The following CDC14A variants were observed in gnomAD, a reference collection of about 807,000 sequenced individuals.
The protein encoded by CDC14A is cell division cycle 14A, also known as dual specificity protein phosphatase CDC14A.
Under a neutral mutation model 74.4 loss-of-function variants are expected in CDC14A, and 53 were observed. The observed-to-expected ratio is 0.71, with a 90% CI of 0.57 to 0.89. CDC14A has a LOEUF of 0.89. Ranked by LOEUF, CDC14A falls within the 40% of genes least tolerant of loss-of-function variation. The pLI is 0.00. For synonymous variants in CDC14A, 247 were observed against 258.4 expected, an observed-to-expected ratio of 0.96 and a Z score of 0.43; for missense variants, 646 against 713.7, an observed-to-expected ratio of 0.91 and a Z score of 1.08.
At chr1:100,439,349 A>G (rs1246739045) in intron 5 of CDC14A, among the ~76,000 whole-genome samples, 1 of 152,150 alleles carries the variant, frequency 6.6e-6, no homozygotes, top group African/African-American at 2.4e-5. Flanking sequence ...TGGCCTACAT[A>G]CATTGTCTCT....
intron 4 of CDC14A, among the ~76,000 whole-genome samples, chr1:100,412,706 ATATATATATATATATATTT>A (rs1286421384): frequency 7.9e-5 from 8 of 101,256 alleles, no homozygotes; most frequent in African/African-American, 3.9e-4. Flanking sequence ...TTATATATAT[ATATATATATATATATATTT>A]TATATATATA....
At chr1:100,450,952 C>T (rs1571223021) in intron 7 of CDC14A, among the ~76,000 whole-genome samples, 1 of 152,262 alleles carries the variant, frequency 6.6e-6, no homozygotes, top group Admixed American at 6.5e-5. Context: ...ATTCTATGGT[C>T]GCTCTCTAAT....
At chr1:100,409,007 C>G (rs895040575) in intron 4 of CDC14A, among the ~76,000 whole-genome samples, 6 of 152,010 alleles carry the variant, frequency 3.9e-5, no homozygotes, top group African/African-American at 1.5e-4. Context: ...TGTATTAGTC[C>G]TTTTTCACAC....
chr1:100,513,499 T>G (rs1649955777), intron 15 of CDC14A, among the ~76,000 whole-genome samples: 1 of 152,164 alleles, frequency 6.6e-6, no homozygotes, highest in Non-Finnish European at 1.5e-5. Context: ...TTGACCTTAG[T>G]AGGATGCTAA....
At chr1:100,430,598 A>T (rs1236384784) in intron 5 of CDC14A, among the ~76,000 whole-genome samples, 1 of 152,246 alleles carries the variant, frequency 6.6e-6, no homozygotes, top group Non-Finnish European at 1.5e-5. Context: ...TTGGTCAACC[A>T]CTTAGGACTT....
intron 10 of CDC14A, among the ~76,000 whole-genome samples, chr1:100,483,078 A>G (rs1669657251): frequency 6.6e-6 from 1 of 152,150 alleles, no homozygotes; most frequent in South Asian, 2.1e-4. Flanking sequence ...TTATGGTAGA[A>G]TGATTTATAT....
intron 2 of CDC14A, among the ~76,000 whole-genome samples, chr1:100,358,662 G>T (rs1272721360): frequency 6.6e-6 from 1 of 152,170 alleles, no homozygotes; most frequent in Non-Finnish European, 1.5e-5. Context: ...TTAGCTAAAT[G>T]GAAGATTTAA....
intron 2 of CDC14A, among the ~76,000 whole-genome samples, chr1:100,355,624 G>A (rs903688875): frequency 1.3e-5 from 2 of 152,174 alleles, no homozygotes; most frequent in Non-Finnish European, 2.9e-5. Flanking sequence ...TTTGAAATAC[G>A]ATGAGGACTT....
intron 15 of CDC14A, among the ~76,000 whole-genome samples, chr1:100,512,539 G>T (rs916170883): frequency 1.3e-5 from 2 of 152,114 alleles, no homozygotes; most frequent in South Asian, 4.2e-4. Flanking sequence ...TATAATTTTG[G>T]TGTTCAGATG....
upstream of CDC14A, among the ~76,000 whole-genome samples, chr1:100,350,206 C>T (rs1373550303): frequency 6.6e-6 from 1 of 152,004 alleles, no homozygotes; most frequent in East Asian, 1.9e-4. Flanking sequence ...CCACCTGCCT[C>T]GGCCTCCCCA....
chr1:100,412,735 ATATTT>A (rs1313197099), intron 4 of CDC14A, among the ~76,000 whole-genome samples: 4 of 110,202 alleles, frequency 3.6e-5, no homozygotes, highest in African/African-American at 1.4e-4. Flanking sequence ...TTATATATAT[ATATTT>A]TATATATATA....
At chr1:100,352,226 A>T (rs1339673303), upstream of CDC14A, among the ~76,000 whole-genome samples, 1 of 152,174 alleles carries the variant, frequency 6.6e-6, no homozygotes, top group Non-Finnish European at 1.5e-5. Flanking sequence ...TCTGGCCTAC[A>T]GGCCCCGCCC....
At chr1:100,441,420 G>A (rs1276092840) in intron 6 of CDC14A, among the ~76,000 whole-genome samples, 1 of 152,122 alleles carries the variant, frequency 6.6e-6, no homozygotes, top group South Asian at 2.1e-4. Context: ...ACCATTCCAA[G>A]AACCTATACA....
At chr1:100,429,452 G>A (rs1339312026) in intron 5 of CDC14A, among the ~76,000 whole-genome samples, 1 of 150,686 alleles carries the variant, frequency 6.6e-6, no homozygotes, top group East Asian at 1.9e-4. Flanking sequence ...CCTAAAGCTT[G>A]GAGAAGAGGC....
intron 4 of CDC14A, among the ~76,000 whole-genome samples, chr1:100,398,487 G>C (rs541003532): frequency 6.6e-6 from 1 of 152,250 alleles, no homozygotes; most frequent in East Asian, 1.9e-4. Context: ...TTCTCTCCAA[G>C]GATGTTATTT....
chr1:100,360,592 G>T (rs952771488), intron 2 of CDC14A, among the ~76,000 whole-genome samples: 1 of 151,964 alleles, frequency 6.6e-6, no homozygotes, highest in Non-Finnish European at 1.5e-5. Context: ...TGATCTGCCT[G>T]CCTCGGCCTC....
chr1:100,434,945 A>C (rs1320386012), intron 5 of CDC14A, among the ~76,000 whole-genome samples: 2 of 152,252 alleles, frequency 1.3e-5, no homozygotes, highest in Admixed American at 1.3e-4. Context: ...TTCTCAAAAT[A>C]CATGCCTTTC....
At chr1:100,472,212 G>A (rs559316174) in intron 10 of CDC14A, among the ~76,000 whole-genome samples, 8 of 152,250 alleles carry the variant, frequency 5.3e-5, no homozygotes, top group African/African-American at 1.7e-4. Context: ...TACGAAAAGC[G>A]ATTCACCCTC....
chr1:100,513,203 G>A (rs1034588741), intron 15 of CDC14A, among the ~76,000 whole-genome samples: 3 of 152,170 alleles, frequency 2.0e-5, no homozygotes, highest in Non-Finnish European at 4.4e-5. Flanking sequence ...TACAGAGGCA[G>A]TTATGGGTGT....
Sources: gnomAD v4.1 joint callset for allele counts (sites outside exome capture counted in the v4.1 genomes callset) on GRCh38, gnomAD v4.1.1 for gene constraint, MANE v1.5 for transcripts, NCBI Gene and HGNC (gene_info 2026-07-23, HGNC 2026-07-21) for gene names.